Variants in AOPEP observed in about 807,000 individuals in gnomAD.
AOPEP encodes the protein aminopeptidase O (putative).
In AOPEP, 77 loss-of-function variants were observed where a neutral mutation model predicts 98.1. That is an observed-to-expected ratio of 0.78 (90% CI 0.65 to 0.95). AOPEP has a LOEUF of 0.95. Among genes scored for constraint, AOPEP ranks in the 40% least tolerant of loss-of-function variants. The pLI, the probability that AOPEP is intolerant of heterozygous loss-of-function variation, is 0.00. For synonymous variants in AOPEP, 346 were observed against 365.3 expected (o/e 0.95, Z 0.60); for missense variants, 1,024 against 1,024.7 (o/e 1.00, Z 0.01).
At chr9:94,856,380 G>A (rs891790851) in intron 5 of AOPEP, among the ~76,000 whole-genome samples, 1 of 152,146 alleles carries the variant, frequency 6.6e-6, no homozygotes, top group African/African-American at 2.4e-5. Flanking sequence ...GGTGGCTCAC[G>A]CCTGTAATCC....
At chr9:94,852,059 C>T (rs1205936146) in intron 5 of AOPEP, among the ~76,000 whole-genome samples, 3 of 152,028 alleles carry the variant, frequency 2.0e-5, no homozygotes, top group African/African-American at 7.3e-5. Flanking sequence ...CACAGTAGCC[C>T]TGACGAGAGA....
chr9:95,002,349 A>C (rs1262968104), intron 11 of AOPEP, among the ~76,000 whole-genome samples: 1 of 152,188 alleles, frequency 6.6e-6, no homozygotes. Flanking sequence ...AAAATCAAGA[A>C]CAAAAGATAC....
chr9:95,133,293 G>A, the AOPEP span, among the ~76,000 whole-genome samples: 5 of 152,326 alleles, frequency 3.3e-5, no homozygotes, highest in East Asian at 1.9e-4. Context: ...TTGTAATTAC[G>A]TCCTTGAACC....
At chr9:94,726,943 C>G (rs1464500016) in intron 1 of AOPEP, among the ~76,000 whole-genome samples, 192 bp downstream of exon 1, 2 of 152,312 alleles carry the variant, frequency 1.3e-5, no homozygotes, top group East Asian at 3.9e-4. Context: ...ATCCTGGGGA[C>G]TGGGCGGAGC....
At chr9:95,096,231 C>A in the AOPEP span, among the ~76,000 whole-genome samples, 1 of 152,284 alleles carries the variant, frequency 6.6e-6, no homozygotes, top group South Asian at 2.1e-4. Flanking sequence ...AAATTCTGTA[C>A]ATGTACACGT....
At chr9:95,119,078 A>G in the AOPEP span, among the ~76,000 whole-genome samples, 2 of 152,208 alleles carry the variant, frequency 1.3e-5, no homozygotes, top group Admixed American at 6.5e-5. Context: ...CATCCATTCT[A>G]GTGGCTGGGA....
intron 3 of AOPEP, among the ~76,000 whole-genome samples, chr9:94,786,228 T>A (rs1038297683): frequency 6.6e-6 from 1 of 152,238 alleles, no homozygotes; most frequent in Non-Finnish European, 1.5e-5. Context: ...ATTATCTAAT[T>A]TAATCCTAAC....
At chr9:94,925,242 G>A (rs1180654630) in intron 6 of AOPEP, among the ~76,000 whole-genome samples, 1 of 152,156 alleles carries the variant, frequency 6.6e-6, no homozygotes, top group Non-Finnish European at 1.5e-5. Flanking sequence ...GCCCACCTTG[G>A]CCTCCCAAAG....
At chr9:95,093,603 A>C in the AOPEP span, among the ~76,000 whole-genome samples, 1 of 152,164 alleles carries the variant, frequency 6.6e-6, no homozygotes, top group Non-Finnish European at 1.5e-5. Flanking sequence ...ACAAAAAGTA[A>C]GTTTTCTCTG....
intron 13 of AOPEP, among the ~76,000 whole-genome samples, chr9:95,049,556 C>G (rs1041611820): frequency 6.6e-6 from 1 of 152,056 alleles, no homozygotes; most frequent in Admixed American, 6.5e-5. Context: ...ATTCCTGTAA[C>G]TTCGGGAAGT....
intron 7 of AOPEP, among the ~76,000 whole-genome samples, chr9:94,937,232 G>C (rs2056407459): frequency 6.6e-6 from 1 of 152,186 alleles, no homozygotes; most frequent in Non-Finnish European, 1.5e-5. Context: ...GCATACAAAG[G>C]CGTAATTGTG....
the AOPEP span, among the ~76,000 whole-genome samples, chr9:95,112,238 G>A: frequency 6.6e-6 from 1 of 152,238 alleles, no homozygotes; most frequent in Non-Finnish European, 1.5e-5. Flanking sequence ...CTAATTGTGT[G>A]CAGTGCCGGT....
chr9:94,955,401 C>CCAGT, intron 8 of AOPEP, 122 bp downstream of exon 8: 1 of 632,288 alleles, frequency 1.6e-6, no homozygotes, highest in South Asian at 2.1e-5. Flanking sequence ...ATCTGACTGG[C>CCAGT]CAGATATCTG....
chr9:94,930,979 A>C lies in AOPEP; in HGVS notation c.1661+2448A>C, dbSNP rs1049540715. Among the ~76,000 whole-genome samples the C allele has an allele frequency of 2.0e-5, 3 of 152,226 alleles. No homozygotes were observed. Among genetic ancestry groups the C allele is most frequent in the East Asian group, 1.9e-4 (1 of 5,198 alleles). Reference sequence around the variant, plus strand: ...AAATCCCTTCACCTCTTAAAGGCTCAGTCCCTCCACCTAAGAGGTCATTTC... The same window carrying C: ...AAATCCCTTCACCTCTTAAAGGCTCCGTCCCTCCACCTAAGAGGTCATTTC... On this transcript the variant is annotated intron_variant, in intron 7 of 16. Transcript: ENST00000375315. This position sits in a 1 kb window ranked among gnomAD's most constrained non-coding sequence, Gnocchi z 4.5.
intron 5 of AOPEP, among the ~76,000 whole-genome samples, chr9:94,910,853 CTT>C (rs1361639520): frequency 6.6e-6 from 1 of 152,096 alleles, no homozygotes; most frequent in Non-Finnish European, 1.5e-5. Flanking sequence ...GAAAGGGTCA[CTT>C]ATTGCATTTT....
intron 14 of AOPEP, among the ~76,000 whole-genome samples, chr9:95,063,352 C>G (rs772174838): frequency 1.1e-4 from 17 of 152,220 alleles, no homozygotes; most frequent in Non-Finnish European, 1.9e-4. Context: ...ATCCCTGGAC[C>G]TTGCCTTTCT....
chr9:94,955,939 G>T lies in AOPEP; in HGVS notation c.1796G>T (p.Arg599Ile), dbSNP rs969813227. The change falls in exon 9 of 17, where the codon AGA becomes ATA. Residue 599 changes from arginine to isoleucine, a missense_variant. Coordinates refer to ENST00000375315, the MANE Select transcript of AOPEP (RefSeq NM_001193329.3). ...GYFLLRFLAK[R>I]LGDETYFSFL... The stretch of plus-strand genomic sequence containing the variant: ...TTCCTTCTTCGGTTTCTTGCCAAAA[G>T]ACTTGGAGATGAAACCTATTTTTCA... The T allele has an allele frequency of 6.2e-7, 1 of 1,612,980 alleles. No homozygotes were observed. The highest frequency in any genetic ancestry group is 8.5e-7 in the Non-Finnish European group (1 of 1,179,736).
chr9:94,907,769 G>T (rs1320702429), intron 5 of AOPEP, among the ~76,000 whole-genome samples: 2 of 152,130 alleles, frequency 1.3e-5, no homozygotes, highest in Non-Finnish European at 1.5e-5. Context: ...GCTGACCAAG[G>T]TGCAGGCAGC....
intron 5 of AOPEP, among the ~76,000 whole-genome samples, chr9:94,843,239 C>T (rs896132458): frequency 1.3e-5 from 2 of 152,138 alleles, no homozygotes; most frequent in African/African-American, 4.8e-5. Flanking sequence ...ATCTTGTTTC[C>T]CTTACCTAGC....
Sources: allele counts gnomAD v4.1 joint callset (sites outside exome capture counted in the v4.1 genomes callset), GRCh38; gene constraint gnomAD v4.1.1; non-coding constraint Gnocchi (gnomAD v3.1); transcripts MANE v1.5; gene names NCBI Gene and HGNC (gene_info 2026-07-23, HGNC 2026-07-21).